IFT57: variants seen among roughly 807,000 people sequenced by gnomAD.
The protein encoded by IFT57 is intraflagellar transport protein 57 homolog.
Under a neutral mutation model 56.8 loss-of-function variants are expected in IFT57, and 59 were observed. The ratio of observed to expected loss-of-function variants is 1.04; its 90% CI spans 0.84 to 1.29. The LOEUF (loss-of-function observed/expected upper bound fraction) is 1.29. Among genes scored for constraint, IFT57 ranks in the 50% most tolerant of loss-of-function variants. The probability of loss-of-function intolerance (pLI) is 0.00; values close to 1 mark genes in which losing one functional copy is unlikely to be tolerated. For synonymous variants in IFT57, 209 were observed against 186.1 expected (o/e 1.12, Z -1.00); for missense variants, 470 against 522.1 (o/e 0.90, Z 0.97).
chr3:108,195,187 C>T (rs2080236940), intron 5 of IFT57, among the ~76,000 whole-genome samples: 1 of 151,982 alleles, frequency 6.6e-6, no homozygotes, highest in African/African-American at 2.4e-5. Flanking sequence ...TTTCTCAAAA[C>T]AAGTCATACA....
chr3:108,167,082 A>C, intron 7 of IFT57, 97 bp from the exon 8 acceptor site: 3 of 1,045,832 alleles, frequency 2.9e-6, no homozygotes, highest in Non-Finnish European at 4.1e-6. Flanking sequence ...TCTACAAATA[A>C]TCAACTACAT....
At chr3:108,203,886 C>G (rs184615009) in intron 5 of IFT57, among the ~76,000 whole-genome samples, 1 of 152,146 alleles carries the variant, frequency 6.6e-6, no homozygotes, top group South Asian at 2.1e-4. Flanking sequence ...GGAGAAAATG[C>G]GGCAATCCAC....
Position 108,193,849 on chromosome 3 carries a change from C to A in IFT57, c.655-2206G>T, listed in dbSNP as rs1000995151. On this transcript the variant is annotated intron_variant, in intron 5 of 10. Coordinates refer to ENST00000264538, the MANE Select transcript of IFT57 (RefSeq NM_018010.4). ...TGTTTGGAAGAACTAGGCATATGCA[C>A]ATTCACTGGCACATTGAGTACCTGT... Among the ~76,000 whole-genome samples the A allele has an allele frequency of 4.6e-5, 7 of 152,192 alleles. No individual in the cohort carries two copies. In the East Asian group the frequency reaches 1.3e-3, roughly 29 times the overall value.
At chr3:108,221,687 G>T (rs1485412478) in intron 1 of IFT57, among the ~76,000 whole-genome samples, 1 of 149,986 alleles carries the variant, frequency 6.7e-6, no homozygotes, top group Non-Finnish European at 1.5e-5. Flanking sequence ...TAGAAAAAAA[G>T]CCTTAAGTGA....
At chr3:108,212,302 C>A (rs1481654318) in intron 4 of IFT57, among the ~76,000 whole-genome samples, 1 of 152,104 alleles carries the variant, frequency 6.6e-6, no homozygotes, top group Non-Finnish European at 1.5e-5. Flanking sequence ...GTCTCAAACT[C>A]CTGGCCTGAA....
intron 4 of IFT57, 53 bp from the exon 5 acceptor site, chr3:108,206,749 T>A (rs2080316374): frequency 3.6e-6 from 2 of 552,066 alleles, no homozygotes; most frequent in East Asian, 9.1e-5. Context: ...AAAAAATATA[T>A]TTCCAGTTTC....
chr3:108,206,111 A>T (rs557276825), intron 5 of IFT57, among the ~76,000 whole-genome samples: 102 of 135,214 alleles, frequency 7.5e-4, no homozygotes, highest in African/African-American at 2.8e-3. Flanking sequence ...TATAATATAT[A>T]TGGTGAATGT....
chr3:108,169,180 C>T (rs2080079024), intron 6 of IFT57, among the ~76,000 whole-genome samples: 1 of 151,966 alleles, frequency 6.6e-6, no homozygotes. Flanking sequence ...TTTTGATCAC[C>T]ACTCTAACTG....
chr3:108,199,348 T>C (rs1264144585), intron 5 of IFT57, among the ~76,000 whole-genome samples: 1 of 152,130 alleles, frequency 6.6e-6, no homozygotes, highest in Admixed American at 6.5e-5. Context: ...AATAATGAGT[T>C]TTAAGTTTAG....
chr3:108,197,885 A>C (rs2080252059), intron 5 of IFT57, among the ~76,000 whole-genome samples: 1 of 152,192 alleles, frequency 6.6e-6, no homozygotes, highest in Non-Finnish European at 1.5e-5. Context: ...AAATGAGAAT[A>C]ACAGCACCTT....
intron 4 of IFT57, among the ~76,000 whole-genome samples, chr3:108,212,743 AATACT>A (rs1271969613): frequency 3.9e-5 from 6 of 152,190 alleles, no homozygotes; most frequent in South Asian, 2.1e-4. Flanking sequence ...TACTAACTTA[AATACT>A]ATACTATACT....
intron 3 of IFT57, among the ~76,000 whole-genome samples, chr3:108,216,997 A>G (rs1003375847): frequency 6.6e-6 from 1 of 152,240 alleles, no homozygotes; most frequent in African/African-American, 2.4e-5. Context: ...GTTAGGAGGA[A>G]TAAGTTCTAG....
intron 6 of IFT57, among the ~76,000 whole-genome samples, chr3:108,174,916 G>A (rs182635175): frequency 9.2e-5 from 14 of 151,822 alleles, no homozygotes; most frequent in Non-Finnish European, 1.6e-4. Flanking sequence ...AAGCCACTGT[G>A]ATTTGGGGGT....
intron 5 of IFT57, among the ~76,000 whole-genome samples, chr3:108,192,167 T>G (rs1269781801): frequency 7.8e-4 from 61 of 78,120 alleles, no homozygotes; most frequent in Non-Finnish European, 9.0e-4. Flanking sequence ...AGAGCGAGAC[T>G]CTGTCTCAAA....
chr3:108,212,912 A>T (rs1351652936), intron 4 of IFT57, among the ~76,000 whole-genome samples: 1 of 152,156 alleles, frequency 6.6e-6, no homozygotes. Context: ...ACTTAAATAC[A>T]AATTTTCTTT....
intron 3 of IFT57, among the ~76,000 whole-genome samples, chr3:108,214,741 ACTT>A (rs1232086591): frequency 1.3e-5 from 2 of 152,100 alleles, no homozygotes; most frequent in Non-Finnish European, 2.9e-5. Flanking sequence ...GCTTATTTGC[ACTT>A]CTTTTTAGGT....
intron 5 of IFT57, among the ~76,000 whole-genome samples, chr3:108,203,455 G>A (rs2080290989): frequency 6.6e-6 from 1 of 152,144 alleles, no homozygotes; most frequent in South Asian, 2.1e-4. Flanking sequence ...GATACTTAAA[G>A]AGCATGCTTC....
intron 4 of IFT57, among the ~76,000 whole-genome samples, chr3:108,210,332 CTTTTTTT>C (rs35896793): frequency 3.6e-4 from 39 of 107,984 alleles, no homozygotes; most frequent in Admixed American, 3.2e-4. Context: ...CAGAAATAAT[CTTTTTTT>C]TTTTTTTTTT....
At chr3:108,180,430 T>C (rs1056951336) in intron 6 of IFT57, among the ~76,000 whole-genome samples, 4 of 151,900 alleles carry the variant, frequency 2.6e-5, no homozygotes, top group African/African-American at 9.7e-5. Context: ...TTTAATTATT[T>C]TATAAGATGC....
Sources: allele counts gnomAD v4.1 joint callset (sites outside exome capture counted in the v4.1 genomes callset), GRCh38; gene constraint gnomAD v4.1.1; transcripts MANE v1.5; gene names NCBI Gene and HGNC (gene_info 2026-07-23, HGNC 2026-07-21).